Variants in EGFLAM observed in about 807,000 individuals in gnomAD.
The protein encoded by EGFLAM is pikachurin.
In EGFLAM, 79 loss-of-function variants were observed where a neutral mutation model predicts 113.1. The ratio of observed to expected loss-of-function variants is 0.70; its 90% CI spans 0.58 to 0.84. The LOEUF (loss-of-function observed/expected upper bound fraction) is 0.84. Ranked by LOEUF, EGFLAM falls within the 40% of genes least tolerant of loss-of-function variation. EGFLAM has a pLI of 0.00. For synonymous variants in EGFLAM, 504 were observed against 487.6 expected, an observed-to-expected ratio of 1.03 and a Z score of -0.44; for missense variants, 1,265 against 1,291.6, an observed-to-expected ratio of 0.98 and a Z score of 0.32.
intron 1 of EGFLAM, among the ~76,000 whole-genome samples, chr5:38,301,546 A>G (rs1758578880): frequency 6.6e-6 from 1 of 152,180 alleles, no homozygotes; most frequent in South Asian, 2.1e-4. Flanking sequence ...AATGGGTGGT[A>G]GTTGCCTGGA....
chr5:38,328,767 A>G (rs1172405638), intron 1 of EGFLAM, among the ~76,000 whole-genome samples: 5 of 36,810 alleles, frequency 1.4e-4, no homozygotes, highest in Non-Finnish European at 6.7e-5. Context: ...TTCATATTTT[A>G]TTTATTAGGG....
intron 6 of EGFLAM, among the ~76,000 whole-genome samples, chr5:38,388,569 G>A (rs1044299545): frequency 5.3e-5 from 8 of 151,504 alleles, no homozygotes; most frequent in Non-Finnish European, 2.9e-5. Context: ...CATGGTGAAA[G>A]CCCATCTCTA....
intron 1 of EGFLAM, among the ~76,000 whole-genome samples, chr5:38,281,416 T>C (rs1758018597): frequency 6.6e-6 from 1 of 152,168 alleles, no homozygotes; most frequent in South Asian, 2.1e-4. Flanking sequence ...AATGTAGAGC[T>C]ATCCAAAATA....
intron 1 of EGFLAM, among the ~76,000 whole-genome samples, chr5:38,314,518 T>A (rs1738540130): frequency 6.6e-6 from 1 of 152,174 alleles, no homozygotes. Flanking sequence ...CCTGAACAGA[T>A]CACAGAGTGA....
At chr5:38,289,983 C>T (rs1360126748) in intron 1 of EGFLAM, among the ~76,000 whole-genome samples, 1 of 152,168 alleles carries the variant, frequency 6.6e-6, no homozygotes, top group African/African-American at 2.4e-5. Context: ...GTTCTTTATA[C>T]CCATTATCTT....
intron 6 of EGFLAM, among the ~76,000 whole-genome samples, chr5:38,377,262 C>T (rs1378827560): frequency 1.3e-5 from 2 of 152,018 alleles, no homozygotes; most frequent in African/African-American, 4.8e-5. Flanking sequence ...CTCAGCCTCC[C>T]GAGTAGCTGG....
At chr5:38,383,773 T>C (rs370738847) in intron 6 of EGFLAM, among the ~76,000 whole-genome samples, 1 of 107,000 alleles carries the variant, frequency 9.3e-6, no homozygotes, top group Admixed American at 8.8e-5. Flanking sequence ...CTGCTTGGGA[T>C]AGGCTATCAG....
At chr5:38,282,455 T>G (rs12152727) in intron 1 of EGFLAM, 69,084 of 151,944 alleles carry the variant, frequency 0.45, 17,598 homozygotes, top group African/African-American at 0.7. Flanking sequence ...GGGTGAAGCT[T>G]GGGTATCGTT....
At chr5:38,359,136 T>C (rs1739853059) in intron 5 of EGFLAM, among the ~76,000 whole-genome samples, 1 of 152,148 alleles carries the variant, frequency 6.6e-6, no homozygotes, top group Non-Finnish European at 1.5e-5. Flanking sequence ...GCAAATAATA[T>C]ATAGTATGGT....
At chr5:38,332,513 A>T (rs1739072637) in intron 1 of EGFLAM, among the ~76,000 whole-genome samples, 1 of 152,202 alleles carries the variant, frequency 6.6e-6, no homozygotes, top group Non-Finnish European at 1.5e-5. Flanking sequence ...GCGCTAGATG[A>T]ATTAAATACA....
At chr5:38,451,221 A>G (rs1742902183) in intron 18 of EGFLAM, 94 bp from the exon 19 acceptor site, 2 of 1,525,706 alleles carry the variant, frequency 1.3e-6, no homozygotes, top group African/African-American at 1.4e-5. Flanking sequence ...CTATCCTTAC[A>G]TCTGGTTCCT....
rs369935030 is a variant in EGFLAM, at chr5:38,438,486, T to C, written c.2464+31T>C. Reference sequence around the variant, plus strand: ...CTCAGGGGTCTGAGGCACAGCTCCCTGGAGGGAGTGGAAGGAACGGACAGC... The same window carrying C: ...CTCAGGGGTCTGAGGCACAGCTCCCCGGAGGGAGTGGAAGGAACGGACAGC... On this transcript the variant is annotated intron_variant, in intron 17 of 21. Transcript: ENST00000322350. 9.1e-6 allele frequency: 14 copies of C among 1,532,172 alleles called. No individual in the cohort carries two copies. The East Asian group carries it at 1.2e-4, about 13-fold the overall frequency. The allele number at this position is 1,532,172 out of a possible 1,614,324, so 94.9% of individuals were successfully genotyped here.
chr5:38,380,146 A>G (rs1167524199), intron 6 of EGFLAM, among the ~76,000 whole-genome samples: 1 of 152,228 alleles, frequency 6.6e-6, no homozygotes, highest in Non-Finnish European at 1.5e-5. Flanking sequence ...AAATGTAAAA[A>G]CCATTGTTAC....
intron 6 of EGFLAM, among the ~76,000 whole-genome samples, chr5:38,391,257 C>T (rs1175420703): frequency 3.3e-5 from 5 of 152,154 alleles, no homozygotes; most frequent in Non-Finnish European, 5.9e-5. Flanking sequence ...CCTATTAATT[C>T]GTAATGACAT....
intron 5 of EGFLAM, among the ~76,000 whole-genome samples, chr5:38,354,527 G>A (rs1360445806): frequency 6.6e-6 from 1 of 152,164 alleles, no homozygotes; most frequent in Non-Finnish European, 1.5e-5. Context: ...TCAGGAGTTC[G>A]AGACCAGCCT....
chr5:38,458,459 TC>T, intron 20 of EGFLAM, 65 bp downstream of exon 20: 1 of 1,498,710 alleles, frequency 6.7e-7, no homozygotes, highest in Non-Finnish European at 9.2e-7. Flanking sequence ...GGTGTCCAGT[TC>T]CCTTGTAGTC....
At chr5:38,395,034 G>C (rs1009221925) in intron 6 of EGFLAM, among the ~76,000 whole-genome samples, 1 of 151,782 alleles carries the variant, frequency 6.6e-6, no homozygotes, top group East Asian at 2.0e-4. Context: ...TTCGCCTCCC[G>C]GATTCAAGCG....
chr5:38,291,536 C>T (rs1758332239), intron 1 of EGFLAM, among the ~76,000 whole-genome samples: 2 of 152,182 alleles, frequency 1.3e-5, no homozygotes, highest in Non-Finnish European at 2.9e-5. Context: ...GCAGGTTCCT[C>T]TCCACGTGTC....
intron 3 of EGFLAM, among the ~76,000 whole-genome samples, chr5:38,341,910 G>C (rs1183471458): frequency 4.0e-5 from 6 of 151,682 alleles, no homozygotes; most frequent in Admixed American, 3.9e-4. Context: ...TTTTACTCAT[G>C]CAAGTTTTTT....
Sources: allele counts gnomAD v4.1 joint callset (sites outside exome capture counted in the v4.1 genomes callset), GRCh38; gene constraint gnomAD v4.1.1; transcripts MANE v1.5; gene names NCBI Gene and HGNC (gene_info 2026-07-23, HGNC 2026-07-21).